The following GPR108 variants were observed in gnomAD, a reference collection of about 807,000 sequenced individuals.
The protein encoded by GPR108 is protein GPR108.
GPR108 carries 60 observed loss-of-function variants against 74.3 expected under a neutral mutation model. The ratio of observed to expected loss-of-function variants is 0.81; its 90% CI spans 0.66 to 1.00. The LOEUF is 1.00. Ranked by LOEUF, GPR108 falls within the 50% of genes least tolerant of loss-of-function variation. The probability of loss-of-function intolerance (pLI) is 0.00; values close to 1 mark genes in which losing one functional copy is unlikely to be tolerated. For synonymous variants in GPR108, 311 were observed against 292.4 expected (o/e 1.06, Z -0.65); for missense variants, 667 against 703.3 (o/e 0.95, Z 0.58).
In GPR108 at chr19:6,737,532, C is replaced by T. The variant is rs757441215; in HGVS notation, c.45G>A (p.Ala15=). 1.3e-6 allele frequency: 2 copies of T among 1,559,942 alleles called. No individual in the cohort carries two copies. Among genetic ancestry groups the T allele is most frequent in the South Asian group, 1.1e-5 (1 of 87,178 alleles). Residue 15 remains alanine (A), a synonymous_variant, in exon 1 of 18, where the codon GCG becomes GCA. Coordinates refer to ENST00000264080, the MANE Select transcript of GPR108 (RefSeq NM_001080452.2). Reference sequence around the variant, plus strand: ...CCAGAAGTAGCCGCTGCCCCCACTCCGCGGGGCTCCCGCGGCCGAGCCCCC... The same window carrying T: ...CCAGAAGTAGCCGCTGCCCCCACTCTGCGGGGCTCCCGCGGCCGAGCCCCC... ...ERRGLGRGSP[A]EWGQRLLLVL...
At position 6,732,539 on chromosome 19, in the gene GPR108, T is replaced by A. The variant is rs191648389; in HGVS notation, c.944A>T (p.Tyr315Phe). 1,974 of 1,612,654 alleles carry A rather than the reference T, an allele frequency of 1.2e-3. 3 individuals are homozygous for A. The highest frequency in any genetic ancestry group is 1.2e-3 in the Non-Finnish European group (1,468 of 1,179,724). Residue 315 changes from tyrosine to phenylalanine, a missense_variant, in exon 11 of 18, where the codon TAC becomes TTC. Physicochemically the swap from Tyr to Phe is conservative, Grantham distance 22. Coordinates refer to ENST00000264080, the MANE Select transcript of GPR108 (RefSeq NM_001080452.2). ...GGGGTGGCCCTGGCTGTTGATGAAG[T>A]AGTAGTTGATCTGGGGGTGGATGGA... ...ISLLFHSINY[Y>F]FINSQGHPIE...
Position 6,731,479 on chromosome 19 carries a change from A to C in GPR108, c.1344T>G (p.Tyr448Ter). 1 of 1,494,322 alleles carries C rather than the reference A, an allele frequency of 6.7e-7. No homozygotes were observed. Among genetic ancestry groups the C allele is most frequent in the South Asian group, 1.3e-5 (1 of 79,030 alleles). The allele number at this position is 1,494,322 out of a possible 1,614,324, so 92.6% of individuals were successfully genotyped here. A position where few individuals can be genotyped will look rare whatever the true frequency, so the allele number is the denominator to read the frequency against. The change falls in exon 15 of 18, where the codon TAT (tyrosine) becomes TAG (stop). Residue 448 changes from tyrosine to a stop codon, truncating the protein, a stop_gained. Transcript: ENST00000264080. LOFTEE classifies it high-confidence loss of function. ...GAGTGAGGCGGGCTCCTACCATGAC[A>C]TAGTAATGCCGGAACAGCTTCAGCT... ...LAKLKLFRHY[Y>*]VMVICYVYFT...
chr19:6,734,102 G>A (rs1307491268), intron 5 of GPR108, 48 bp from the exon 6 acceptor site: 2 of 1,614,160 alleles, frequency 1.2e-6, no homozygotes, highest in Non-Finnish European at 1.7e-6. Context: ...GATGGATAGA[G>A]GGGCAGTGGG....
At chr19:6,735,981 G>C in intron 2 of GPR108, 23 bp from the exon 3 acceptor site, 1 of 1,596,964 alleles carries the variant, frequency 6.3e-7, no homozygotes, top group Non-Finnish European at 8.5e-7. Context: ...AAAAAAAAGG[G>C]GAGGGTGTGA....
In GPR108 at chr19:6,735,612, C is replaced by T. The variant is rs779729324; in HGVS notation, c.374+10G>A. 5 of 1,613,042 alleles carry T rather than the reference C, an allele frequency of 3.1e-6. No homozygotes were observed. Among genetic ancestry groups the T allele is most frequent in the African/African-American group, 1.3e-5 (1 of 74,988 alleles). Reference sequence around the variant, plus strand: ...GAAGGATCTGAGCGAGCCCCCGGTCCCCAACTCACTGCAGATCCTTGGTGT... The same window carrying T: ...GAAGGATCTGAGCGAGCCCCCGGTCTCCAACTCACTGCAGATCCTTGGTGT... On this transcript the variant is annotated intron_variant, in intron 4 of 17. Coordinates refer to ENST00000264080, the MANE Select transcript of GPR108 (RefSeq NM_001080452.2).
rs749364319 is a variant in GPR108, at chr19:6,737,463, C to T, written c.114G>A (p.Ala38=). 1.9e-6 allele frequency: 3 copies of T among 1,586,384 alleles called. No homozygotes were observed. The highest frequency in any genetic ancestry group is 1.7e-6 in the Non-Finnish European group (2 of 1,174,586). ...GGCSGRIHQL[A]LTGEKRADIQ... ...CTCGCGCGGCGGGCCTCACCGTCAGCGCCAGCTGGTGGATGCGCCCGGAGC... is the reference window on the plus strand; with the variant it reads ...CTCGCGCGGCGGGCCTCACCGTCAGTGCCAGCTGGTGGATGCGCCCGGAGC... Residue 38 remains alanine (A), a synonymous_variant, in exon 1 of 18, where the codon GCG becomes GCA. Transcript: ENST00000264080.
At position 6,736,658 on chromosome 19, in the gene GPR108, G is replaced by C. The variant is rs757837281; in HGVS notation, c.174C>G (p.Gly58=). Residue 58 remains glycine, a synonymous_variant, in exon 2 of 18, where the codon GGC becomes GGG. Transcript: ENST00000264080. The part of the protein sequence containing the change: ...QLNSFGFYTN[G]SLEVELSVLR... ...GGACGCTCAACTCCACCTCCAGAGA[G>C]CCATTGGTGTAGAAACCGAAGCTGT... The C allele has an allele frequency of 2.5e-6, 4 of 1,614,122 alleles. No homozygotes were observed. The East Asian group carries it at 8.9e-5, about 36-fold the overall frequency.
At position 6,730,382 on chromosome 19, in the gene GPR108, A is replaced by G. The variant is rs765099341; in HGVS notation, c.1562T>C (p.Met521Thr). The G allele has an allele frequency of 1.9e-6, 3 of 1,612,940 alleles. No individual in the cohort carries two copies. The highest frequency in any genetic ancestry group is 2.5e-6 in the Non-Finnish European group (3 of 1,179,796). Residue 521 changes from methionine (M) to threonine (T), a missense_variant and splice_region_variant, in exon 18 of 18, where the codon ATG becomes ACG. Transcript: ENST00000264080. The stretch of plus-strand genomic sequence containing the variant: ...GCCTTCCCGGAACCCAGAGTCCGTC[A>G]TTCTGGGGGCAGACAGCGAGGAGGC... Reference protein sequence around the residue: ...DEEDVQMEQVMTDSGFREGLS... With the variant: ...DEEDVQMEQVTTDSGFREGLS...
In GPR108 at chr19:6,733,097, G is replaced by A. The variant is rs61003494; in HGVS notation, c.858-35C>T. The A allele has an allele frequency of 1.4e-3, 2,304 of 1,613,412 alleles. 46 individuals are homozygous for A. In the East Asian group the frequency reaches 0.042, roughly 29 times the overall value. ...GGGTCAGGGAGAGATGGGGGTGCGG[G>A]GCATCAGCAGAGCATAGGGATGGGG... On this transcript the variant is annotated intron_variant, in intron 9 of 17. Coordinates refer to ENST00000264080, the MANE Select transcript of GPR108 (RefSeq NM_001080452.2).
intron 17 of GPR108, chr19:6,730,591 GC>G: frequency 3.9e-6 from 2 of 516,070 alleles, no homozygotes; most frequent in Non-Finnish European, 6.7e-6. Flanking sequence ...CCTAGGCCCC[GC>G]CCCCAGCAGC....
intron 1 of GPR108, 123 bp from the exon 2 acceptor site, chr19:6,736,834 G>A (rs1968656345): frequency 2.2e-6 from 3 of 1,362,482 alleles, no homozygotes; most frequent in Admixed American, 2.2e-5. Flanking sequence ...CAGGCCCAGA[G>A]GATGACAAGA....
At chr19:6,736,908 C>T (rs1395395525) in intron 1 of GPR108, 197 bp from the exon 2 acceptor site, 16 of 694,624 alleles carry the variant, frequency 2.3e-5, no homozygotes, top group Non-Finnish European at 3.5e-5. Flanking sequence ...GACCTCTGTT[C>T]TGAGAACCCA....
chr19:6,735,981 GGAGGGTGT>G, intron 2 of GPR108, 23 bp from the exon 3 acceptor site: 1 of 1,596,964 alleles, frequency 6.3e-7, no homozygotes, highest in Non-Finnish European at 8.5e-7. Context: ...AAAAAAAAGG[GGAGGGTGT>G]GAGGGACAGT....
At position 6,732,275 on chromosome 19, in the gene GPR108, C is replaced by G; in HGVS notation, c.1113G>C (p.Val371=). The change falls in exon 12 of 18, where the codon GTG becomes GTC. Residue 371 remains valine, a synonymous_variant. Transcript: ENST00000264080. ...GCTCCATCCGCACCTGCATGGGGAT[C>G]ACGATCCCAAAGACCTTCTTCTCCT... The part of the protein sequence containing the change: ...SDKEKKVFGI[V]IPMQVLANVA... 6.2e-7 allele frequency: 1 copy of G among 1,612,494 alleles called. No homozygotes were observed. The highest frequency in any genetic ancestry group is 8.5e-7 in the Non-Finnish European group (1 of 1,180,024).
Position 6,735,687 on chromosome 19 carries a change from G to A in GPR108, c.309C>T (p.Asp103=). 1 of 1,614,100 alleles carries A rather than the reference G, an allele frequency of 6.2e-7. No homozygotes were observed. Among genetic ancestry groups the A allele is most frequent in the Non-Finnish European group, 8.5e-7 (1 of 1,179,994 alleles). The change falls in exon 4 of 18, where the codon GAC becomes GAT. Residue 103 remains aspartate (D), a synonymous_variant. Coordinates refer to ENST00000264080, the MANE Select transcript of GPR108 (RefSeq NM_001080452.2). The part of the protein sequence containing the change: ...VRSYSTRDFQ[D]CPLQKNSSSF... ...TGCTACTGTTTTTCTGGAGAGGGCA[G>A]TCCTGGAAATCCCGGGTCTGGGGGG... is the stretch of plus-strand genomic sequence containing the variant.
chr19:6,730,320 G>A lies in GPR108; in HGVS notation c.1624C>T (p.Leu542=), dbSNP rs746618014. 8 of 1,613,676 alleles carry A rather than the reference G, an allele frequency of 5.0e-6. No homozygotes were observed. The highest frequency in any genetic ancestry group is 6.8e-6 in the Non-Finnish European group (8 of 1,179,750). Residue 542 remains leucine (L), a synonymous_variant, in exon 18 of 18, where the codon CTG becomes TTG. Transcript: ENST00000264080. The stretch of plus-strand genomic sequence containing the variant: ...CTGAGATGTGGAGGTGATCATAACA[G>A]TTCCCGCCCGCTGGCTGTTTTGTTG... ...KVNKTASGRE[L]L
rs1166476209 is a variant in GPR108 at position 6,735,393 on chromosome 19, C to T, written c.374+229G>A. ...TCAACATGTGCGAACAATTGTTATT[C>T]ATTCTCACAACAACCCTCTGTATCC... On this transcript the variant is annotated intron_variant, in intron 4 of 17. Transcript: ENST00000264080. 3 of 501,462 alleles carry T rather than the reference C, an allele frequency of 6.0e-6. No homozygotes were observed. The African/African-American group carries it at 6.2e-5, about 10-fold the overall frequency. 31.1% of individuals were successfully genotyped at this position (501,462 alleles called of 1,614,324 possible). A position where few individuals can be genotyped will look rare whatever the true frequency, so the allele number is the denominator to read the frequency against.
intron 1 of GPR108, chr19:6,736,985 T>C: frequency 4.3e-6 from 2 of 461,788 alleles, no homozygotes. Flanking sequence ...AGAACAGTTA[T>C]TCACCTCGGC....
At chr19:6,732,420 C>A (rs781020726) in intron 11 of GPR108, 40 bp from the exon 12 acceptor site, 1 of 1,608,832 alleles carries the variant, frequency 6.2e-7, no homozygotes, top group East Asian at 2.2e-5. Context: ...AGGTGGGGGG[C>A]CAACCCTCCC....
Sources: allele counts gnomAD v4.1 joint callset, GRCh38; gene constraint gnomAD v4.1.1; transcripts MANE v1.5; gene names NCBI Gene and HGNC (gene_info 2026-07-23, HGNC 2026-07-21).